The following DLGAP2 variants were observed in gnomAD, a reference collection of about 807,000 sequenced individuals.
DLGAP2 encodes the protein DLG associated protein 2, also known as disks large-associated protein 2.
Under a neutral mutation model 100.3 loss-of-function variants are expected in DLGAP2, and 26 were observed. The ratio of observed to expected loss-of-function variants is 0.26; its 90% CI spans 0.19 to 0.36. The LOEUF (loss-of-function observed/expected upper bound fraction) is 0.36, where lower values mean the gene tolerates loss of function less well. Among genes scored for constraint, DLGAP2 ranks in the 10% least tolerant of loss-of-function variants. The probability of loss-of-function intolerance (pLI) is 1.00; values close to 1 mark genes in which losing one functional copy is unlikely to be tolerated. For missense variants in DLGAP2, 1,858 were observed against 1,453.2 expected, an observed-to-expected ratio of 1.28 and a Z score of -4.53; for synonymous variants, 886 against 630.1, an observed-to-expected ratio of 1.41 and a Z score of -6.08.
intron 1 of DLGAP2, among the ~76,000 whole-genome samples, chr8:881,285 G>A (rs1398744615): frequency 6.6e-6 from 1 of 152,104 alleles, no homozygotes; most frequent in Non-Finnish European, 1.5e-5. Flanking sequence ...AGTTAGCTTG[G>A]CTGTGAATCT....
At chr8:1,040,208 AGCTCGGTGTGCATGGTCG>A (rs1802291855) in intron 2 of DLGAP2, among the ~76,000 whole-genome samples, 1 of 120,696 alleles carries the variant, frequency 8.3e-6, no homozygotes, top group Non-Finnish European at 1.7e-5. Flanking sequence ...GTGCGTGGTC[AGCTCGGTGTGCATGGTCG>A]GCTCGGTTTC....
chr8:1,003,067 A>C (rs1324866424), intron 2 of DLGAP2: 1 of 152,318 alleles, frequency 6.6e-6, no homozygotes, highest in African/African-American at 2.4e-5. Flanking sequence ...TGAGTCCCTG[A>C]GCCACTGTCT....
At chr8:1,514,932 C>A (rs150443409) in intron 4 of DLGAP2, among the ~76,000 whole-genome samples, 147 of 152,170 alleles carry the variant, frequency 9.7e-4, no homozygotes, top group African/African-American at 3.4e-3. Context: ...AAGAGCACAG[C>A]CAGCGGGCAG....
At chr8:841,238 A>G (rs1015023190) in intron 1 of DLGAP2, among the ~76,000 whole-genome samples, 4 of 152,174 alleles carry the variant, frequency 2.6e-5, no homozygotes, top group African/African-American at 7.2e-5. Flanking sequence ...AAGAGGACCA[A>G]TTCATTAAAA....
At chr8:1,175,979 G>T (rs1797244230) in intron 2 of DLGAP2, among the ~76,000 whole-genome samples, 1 of 152,188 alleles carries the variant, frequency 6.6e-6, no homozygotes, top group Non-Finnish European at 1.5e-5. Flanking sequence ...CTGGCACAGG[G>T]CCTATGTCAT....
At chr8:1,053,628 G>A (rs1241046540) in intron 2 of DLGAP2, among the ~76,000 whole-genome samples, 1 of 152,174 alleles carries the variant, frequency 6.6e-6, no homozygotes, top group Non-Finnish European at 1.5e-5. Flanking sequence ...TTCCGTGGAT[G>A]TGTACCGTGT....
At chr8:1,201,666 C>T (rs1388167807) in intron 2 of DLGAP2, among the ~76,000 whole-genome samples, 2 of 152,214 alleles carry the variant, frequency 1.3e-5, no homozygotes, top group African/African-American at 2.4e-5. Context: ...GCCTGTTTGT[C>T]AGATGCCTGT....
intron 3 of DLGAP2, among the ~76,000 whole-genome samples, chr8:1,497,489 G>T (rs59336692): frequency 0.012 from 1,809 of 152,320 alleles, 33 homozygotes; most frequent in African/African-American, 0.039. Context: ...CCAATGACTG[G>T]TGGAGCAAAT....
intron 3 of DLGAP2, among the ~76,000 whole-genome samples, chr8:1,451,890 G>C (rs543759698): frequency 6.6e-6 from 1 of 152,180 alleles, no homozygotes; most frequent in Non-Finnish European, 1.5e-5. Context: ...CAGAGCTCAC[G>C]GGCTCCCACA....
At chr8:1,373,291 G>C (rs111814964) in intron 3 of DLGAP2, among the ~76,000 whole-genome samples, 1 of 149,462 alleles carries the variant, frequency 6.7e-6, no homozygotes, top group African/African-American at 2.4e-5. Context: ...GGAGGGTGTC[G>C]GGAGCAGGGG....
intron 2 of DLGAP2, among the ~76,000 whole-genome samples, chr8:1,166,790 A>G (rs755708175): frequency 2.0e-5 from 3 of 152,210 alleles, no homozygotes; most frequent in Admixed American, 6.5e-5. Flanking sequence ...ACATACAATA[A>G]CAATGGTCTC....
intron 4 of DLGAP2, among the ~76,000 whole-genome samples, chr8:1,512,232 G>T (rs1369105287): frequency 1.3e-5 from 2 of 152,176 alleles, no homozygotes; most frequent in East Asian, 3.9e-4. Flanking sequence ...AGAAGAATGT[G>T]TGCTCCTCCC....
chr8:1,418,097 G>T (rs1563134626), intron 3 of DLGAP2, among the ~76,000 whole-genome samples: 1 of 152,170 alleles, frequency 6.6e-6, no homozygotes, highest in Non-Finnish European at 1.5e-5. Context: ...TGTAACTCCT[G>T]TCCCTCCACC....
intron 1 of DLGAP2, among the ~76,000 whole-genome samples, chr8:863,837 TC>T (rs1797440263): frequency 1.3e-5 from 2 of 152,182 alleles, no homozygotes; most frequent in Non-Finnish European, 2.9e-5. Context: ...AATGCTGTGA[TC>T]CAGCAATCCC....
chr8:1,186,244 A>G (rs1455234987), intron 2 of DLGAP2, among the ~76,000 whole-genome samples: 1 of 152,256 alleles, frequency 6.6e-6, no homozygotes, highest in Non-Finnish European at 1.5e-5. Context: ...AGCAGCAGCT[A>G]TGCTGGAGTT....
intron 5 of DLGAP2, among the ~76,000 whole-genome samples, chr8:1,560,095 A>C (rs1802109508): frequency 6.6e-6 from 1 of 152,260 alleles, no homozygotes; most frequent in Non-Finnish European, 1.5e-5. Flanking sequence ...TGTTTATTAC[A>C]AAAGTCATAT....
chr8:1,372,304 G>C (rs1209046991), intron 3 of DLGAP2, among the ~76,000 whole-genome samples: 1 of 152,046 alleles, frequency 6.6e-6, no homozygotes. Flanking sequence ...GCCAACGCTG[G>C]GACGCTGGTC....
intron 3 of DLGAP2, among the ~76,000 whole-genome samples, chr8:1,499,344 T>C (rs1799640850): frequency 6.6e-6 from 1 of 152,212 alleles, no homozygotes; most frequent in African/African-American, 2.4e-5. Flanking sequence ...TGTGTGCATG[T>C]GTGCTGAAAG....
intron 2 of DLGAP2, among the ~76,000 whole-genome samples, chr8:1,039,366 C>G (rs922749853): frequency 6.9e-6 from 1 of 144,008 alleles, no homozygotes. Flanking sequence ...GTGGTCAGCT[C>G]GGTGTGCATG....
Sources: allele counts gnomAD v4.1 joint callset (sites outside exome capture counted in the v4.1 genomes callset), GRCh38; gene constraint gnomAD v4.1.1; transcripts MANE v1.5; gene names NCBI Gene and HGNC (gene_info 2026-07-23, HGNC 2026-07-21).